Variants in ATP13A2 observed in about 807,000 individuals in gnomAD.
ATP13A2 encodes the protein ATPase cation transporting 13A2.
A neutral mutation model predicts 138.3 loss-of-function variants in ATP13A2; 83 were observed. That is an observed-to-expected ratio of 0.60 (90% CI 0.50 to 0.72). The LOEUF (loss-of-function observed/expected upper bound fraction) is 0.72. ATP13A2 is among the 30% of genes least tolerant of loss of function. The pLI is 0.00. For missense variants in ATP13A2, 1,402 were observed against 1,606.4 expected (o/e 0.87, Z 2.17); for synonymous variants, 663 against 699.0 (o/e 0.95, Z 0.81).
intron 1 of ATP13A2, among the ~76,000 whole-genome samples, chr1:17,008,137 C>T (rs1214269469): frequency 6.6e-6 from 1 of 151,786 alleles, no homozygotes; most frequent in Non-Finnish European, 1.5e-5. Flanking sequence ...GCCCAGCTTA[C>T]AGTTTTCGTG....
intron 8 of ATP13A2, among the ~76,000 whole-genome samples, chr1:17,001,368 C>T (rs2077351241): frequency 6.6e-6 from 1 of 151,346 alleles, no homozygotes; most frequent in Non-Finnish European, 1.5e-5. Context: ...GTGGACATCG[C>T]AGTGAGCCGA....
intron 10 of ATP13A2, 51 bp from the exon 11 acceptor site, chr1:17,000,193 T>TTCCCCCCC: frequency 6.5e-7 from 1 of 1,547,718 alleles, no homozygotes; most frequent in Non-Finnish European, 8.8e-7. Flanking sequence ...GCCCCAGCCA[T>TTCCCCCCC]GCCCCCCCAC....
chr1:16,995,052 G>A lies in ATP13A2; in HGVS notation c.1542+924C>T, dbSNP rs972467882. 8.5e-5 allele frequency among the ~76,000 whole-genome samples: 13 copies of A among 152,286 alleles called. No homozygotes were observed. Among genetic ancestry groups the A allele is most frequent in the South Asian group, 6.2e-4 (3 of 4,826 alleles). On this transcript the variant is annotated intron_variant, in intron 15 of 28. Transcript: ENST00000326735. The surrounding 1 kb of genome is among the most constrained non-coding windows in gnomAD (Gnocchi z 4.1). ...ACCAGGCCACTGCCTACCCGGCCCT[G>A]TCCTGCTCCACCACTCCCTGTGCTC...
intron 16 of ATP13A2, 61 bp from the exon 17 acceptor site, chr1:16,992,642 T>C: frequency 6.4e-7 from 1 of 1,562,630 alleles, no homozygotes; most frequent in Non-Finnish European, 8.8e-7. Flanking sequence ...AGATTTGAGC[T>C]AGACTCAGGG....
At chr1:16,991,247 G>A (rs1425094359) in intron 20 of ATP13A2, among the ~76,000 whole-genome samples, 1 of 152,104 alleles carries the variant, frequency 6.6e-6, no homozygotes, top group African/African-American at 2.4e-5. Flanking sequence ...CACTGTGCCC[G>A]GCCATTTTCG....
chr1:16,985,969 A>G lies in ATP13A2; in HGVS notation c.*252T>C. The G allele has an allele frequency of 1.4e-6, 2 of 1,442,038 alleles. No individual in the cohort carries two copies. Among genetic ancestry groups the G allele is most frequent in the Non-Finnish European group, 1.8e-6 (2 of 1,096,198 alleles). The allele number at this position is 1,442,038 out of a possible 1,614,324, so 89.3% of individuals were successfully genotyped here. On this transcript the variant is annotated 3_prime_UTR_variant, in exon 29 of 29. Transcript: ENST00000326735. ...ACAGGCACAGCAGAGCCAGGAAAAT[A>G]TCATGACTTTATTTGCTACACTGAC...
rs554759675 is a variant in ATP13A2, at chr1:17,001,384, C to T, written c.705+650G>A. On this transcript the variant is annotated intron_variant, in intron 8 of 28. Transcript: ENST00000326735. ...TGGACATCGCAGTGAGCCGAGATCA[C>T]GCCATTGCACTCCAGCCTGGGCAAC... 1.3e-4 allele frequency among the ~76,000 whole-genome samples: 19 copies of T among 151,732 alleles called. No homozygotes were observed. In the East Asian group the frequency reaches 3.3e-3, roughly 26 times the overall value.
At chr1:16,998,960 G>C (rs1438739527) in intron 11 of ATP13A2, among the ~76,000 whole-genome samples, 1 of 152,172 alleles carries the variant, frequency 6.6e-6, no homozygotes, top group African/African-American at 2.4e-5. Context: ...CTGCCCTGGG[G>C]AGGGGAAGGG....
In ATP13A2 at chr1:16,990,003, C is replaced by A. The variant is rs746533808; in HGVS notation, c.2413G>T (p.Asp805Tyr). Reference sequence around the variant, plus strand: ...GTGTAGCTTGCAGCCTGGTCAGGATCCTGGGGGCCCAGGAAGCTCAGCTTA... The same window carrying A: ...GTGTAGCTTGCAGCCTGGTCAGGATACTGGGGGCCCAGGAAGCTCAGCTTA... ...ESPTAVNGVK[D>Y]PDQAASYTVE... The change falls in exon 22 of 29, where the codon GAT (aspartate) becomes TAT (tyrosine). Residue 805 changes from aspartate to tyrosine, a missense_variant and splice_region_variant. Asp to Tyr is a radical substitution (Grantham distance 160). Transcript: ENST00000326735. The A allele has an allele frequency of 6.2e-7, 1 of 1,612,364 alleles. No homozygotes were observed. The highest frequency in any genetic ancestry group is 8.5e-7 in the Non-Finnish European group (1 of 1,179,268).
intron 23 of ATP13A2, among the ~76,000 whole-genome samples, chr1:16,988,793 T>G (rs1036626039): frequency 6.6e-6 from 1 of 151,932 alleles, no homozygotes; most frequent in Non-Finnish European, 1.5e-5. Context: ...CCACCACGCC[T>G]GGCTAATTTT....
chr1:17,004,667 G>C lies in ATP13A2; in HGVS notation c.477+25C>G, dbSNP rs2077483323. 6.2e-7 allele frequency: 1 copy of C among 1,613,712 alleles called. No homozygotes were observed. The highest frequency in any genetic ancestry group is 1.7e-5 in the Admixed American group (1 of 59,992). On this transcript the variant is annotated intron_variant, in intron 5 of 28. Coordinates refer to ENST00000326735, the MANE Select transcript of ATP13A2 (RefSeq NM_022089.4). The surrounding 1 kb of genome is among the most constrained non-coding windows in gnomAD (Gnocchi z 4.1). ...GATCATGAAACCGAGGCCGAGAGAG[G>C]GGCAAGGACTTTTTCAGAACCCACC...
chr1:16,991,645 C>T lies in ATP13A2; in HGVS notation c.2251+89G>A, dbSNP rs1046901264. 9 of 1,598,764 alleles carry T rather than the reference C, an allele frequency of 5.6e-6. No homozygotes were observed. The African/African-American group carries it at 1.1e-4, about 19-fold the overall frequency. On this transcript the variant is annotated intron_variant, in intron 20 of 28. Transcript: ENST00000326735. ...CCTGAAGCAAGGGCCCAAAAAGATG[C>T]CCCAAAAAGGAATCCCTGGTGCCCC...
intron 1 of ATP13A2, among the ~76,000 whole-genome samples, chr1:17,007,342 CT>C (rs1475965703): frequency 6.6e-6 from 1 of 152,136 alleles, no homozygotes; most frequent in Non-Finnish European, 1.5e-5. Flanking sequence ...CCTGGAGCAC[CT>C]TTTACATATG....
intron 3 of ATP13A2, 33 bp from the exon 4 acceptor site, chr1:17,005,105 A>ACT (rs2077502883): frequency 6.2e-7 from 1 of 1,611,818 alleles, no homozygotes; most frequent in Non-Finnish European, 8.5e-7. Context: ...CAGTCTCAGA[A>ACT]GAGTCCCCTC....
rs41273155 is a variant in ATP13A2, at chr1:17,004,941, G to T, written c.347+73C>A. On this transcript the variant is annotated intron_variant, in intron 4 of 28. Coordinates refer to ENST00000326735, the MANE Select transcript of ATP13A2 (RefSeq NM_022089.4). The surrounding 1 kb of genome is among the most constrained non-coding windows in gnomAD (Gnocchi z 4.1). ...GCGCCAGAGTCAGCCTTTATGGGGGGGCCGAGGGTTGGGGAAGTTGGGGAG... is the reference window on the plus strand; with the variant it reads ...GCGCCAGAGTCAGCCTTTATGGGGGTGCCGAGGGTTGGGGAAGTTGGGGAG... 1.3e-4 allele frequency: 206 copies of T among 1,611,546 alleles called. No homozygotes were observed. The highest frequency in any genetic ancestry group is 8.3e-4 in the African/African-American group (62 of 74,946).
chr1:16,991,312 A>G (rs1038103149), intron 20 of ATP13A2, among the ~76,000 whole-genome samples: 2 of 151,152 alleles, frequency 1.3e-5, no homozygotes, highest in African/African-American at 4.9e-5. Flanking sequence ...CTTGAACTCC[A>G]GGGTTCAAGA....
rs772117418 is a variant in ATP13A2, at chr1:16,986,944, C to A, written c.3096G>T (p.Leu1032=). ...LTLAQPWFVP[L]NRTVAAPDNL... ...TGTCTGGTGCGGCCACTGTCCTGTT[C>A]AGAGGCACGAACCTGGGGGTACAGG... is the stretch of plus-strand genomic sequence containing the variant. The change falls in exon 27 of 29, where the codon CTG becomes CTT. Residue 1032 remains leucine, a synonymous_variant. Transcript: ENST00000326735. The surrounding 1 kb of genome is among the most constrained non-coding windows in gnomAD (Gnocchi z 6.9). 4 of 1,613,026 alleles carry A rather than the reference C, an allele frequency of 2.5e-6. No individual in the cohort carries two copies. The Admixed American group carries it at 6.7e-5, about 27-fold the overall frequency.
rs143579092 is a variant in ATP13A2, at chr1:17,005,764, C to T, written c.25G>A (p.Val9Met). The stretch of plus-strand genomic sequence containing the variant: ...CCATAACCGGTGGGCGTGCTGCCCA[C>T]GAGAGGGCTGCTGTCTGTGGACAGA... MSADSSPL[V>M]GSTPTGYGTL... The change falls in exon 2 of 29, where the codon GTG becomes ATG. Residue 9 changes from valine to methionine, a missense_variant. By Grantham distance (21) the Val-to-Met change is conservative. Coordinates refer to ENST00000326735, the MANE Select transcript of ATP13A2 (RefSeq NM_022089.4). 36 of 1,611,388 alleles carry T rather than the reference C, an allele frequency of 2.2e-5. No individual in the cohort carries two copies. Among genetic ancestry groups the T allele is most frequent in the Non-Finnish European group, 2.9e-5 (34 of 1,178,886 alleles).
At chr1:16,990,024 G>A in intron 21 of ATP13A2, 21 bp from the exon 22 acceptor site, 2 of 1,613,090 alleles carry the variant, frequency 1.2e-6, no homozygotes, top group Non-Finnish European at 1.7e-6. Flanking sequence ...AGGAAGCTCA[G>A]CTTAGCTCCC....
Sources: gnomAD v4.1 joint callset for allele counts (sites outside exome capture counted in the v4.1 genomes callset) on GRCh38, gnomAD v4.1.1 for gene constraint, Gnocchi (gnomAD v3.1) non-coding constraint, MANE v1.5 for transcripts, NCBI Gene and HGNC (gene_info 2026-07-23, HGNC 2026-07-21) for gene names.